SYTL3: variants seen among roughly 807,000 people sequenced by gnomAD.
SYTL3 encodes synaptotagmin-like protein 3.
A neutral mutation model predicts 82.1 loss-of-function variants in SYTL3; 88 were observed. That is an observed-to-expected ratio of 1.07 (90% CI 0.90 to 1.28). The LOEUF is 1.28. Among genes scored for constraint, SYTL3 ranks in the 50% most tolerant of loss-of-function variants. The probability of loss-of-function intolerance (pLI) is 0.00; values close to 1 mark genes in which losing one functional copy is unlikely to be tolerated. For missense variants in SYTL3, 831 were observed against 757.6 expected, an observed-to-expected ratio of 1.10 and a Z score of -1.14; for synonymous variants, 311 against 289.4, an observed-to-expected ratio of 1.07 and a Z score of -0.76.
chr6:158,742,667 C>G (rs1787089974), intron 11 of SYTL3, among the ~76,000 whole-genome samples: 1 of 151,910 alleles, frequency 6.6e-6, no homozygotes. Context: ...CCTCCGCCTC[C>G]TGGATTCAAG....
intron 14 of SYTL3, among the ~76,000 whole-genome samples, chr6:158,758,335 G>C (rs1480519162): frequency 6.6e-6 from 1 of 152,080 alleles, no homozygotes; most frequent in East Asian, 1.9e-4. Flanking sequence ...CTGCTCTGGA[G>C]GCTGAGGCAG....
intron 2 of SYTL3, among the ~76,000 whole-genome samples, chr6:158,660,282 C>T (rs66489451): frequency 6.6e-6 from 1 of 151,870 alleles, no homozygotes; most frequent in African/African-American, 2.4e-5. Context: ...ACAACAACAA[C>T]AAAAAACAAA....
At chr6:158,703,418 G>A (rs116884706) in intron 6 of SYTL3, among the ~76,000 whole-genome samples, 3,849 of 152,224 alleles carry the variant, frequency 0.025, 77 homozygotes, top group Non-Finnish European at 0.04. Flanking sequence ...CCTGCCTCTC[G>A]AGGGATGCCT....
intron 5 of SYTL3, among the ~76,000 whole-genome samples, chr6:158,665,815 T>C (rs749590201): frequency 7.2e-5 from 11 of 152,274 alleles, no homozygotes; most frequent in South Asian, 2.1e-4. Context: ...TTTTTTTCAT[T>C]TACAGAAGTT....
At chr6:158,696,877 A>G (rs1324958684) in intron 6 of SYTL3, among the ~76,000 whole-genome samples, 1 of 152,142 alleles carries the variant, frequency 6.6e-6, no homozygotes, top group African/African-American at 2.4e-5. Flanking sequence ...CCATGCACAT[A>G]TGGTCAAATG....
At position 158,757,205 on chromosome 6, in the gene SYTL3, C is replaced by T. The variant is rs1789239606; in HGVS notation, c.1138-6C>T. 5 of 1,607,672 alleles carry T rather than the reference C, an allele frequency of 3.1e-6. No individual in the cohort carries two copies. The highest frequency in any genetic ancestry group is 3.4e-6 in the Non-Finnish European group (4 of 1,179,592). Reference sequence around the variant, plus strand: ...CCAGCTGACCATCTCTTCCTTGCCTCTGCAGTATCAGGTGGCCCCTGCCCA... The same window carrying T: ...CCAGCTGACCATCTCTTCCTTGCCTTTGCAGTATCAGGTGGCCCCTGCCCA... On this transcript the variant is annotated splice_region_variant and splice_polypyrimidine_tract_variant and intron_variant, in intron 13 of 17. Transcript: ENST00000611299.
chr6:158,733,089 C>T (rs190517034), intron 11 of SYTL3, among the ~76,000 whole-genome samples: 130 of 152,178 alleles, frequency 8.5e-4, no homozygotes, highest in Admixed American at 2.6e-3. Flanking sequence ...TTCCTTCAAG[C>T]CTCCTTGCTT....
chr6:158,708,630 G>A (rs13210897), intron 8 of SYTL3, among the ~76,000 whole-genome samples: 26,748 of 152,106 alleles, frequency 0.18, 3,000 homozygotes, highest in Non-Finnish European at 0.25. Context: ...GCCTGCACCC[G>A]AGGTCTCTTT....
chr6:158,753,885 TACA>T (rs533551428), intron 13 of SYTL3, among the ~76,000 whole-genome samples: 8 of 151,914 alleles, frequency 5.3e-5, no homozygotes, highest in African/African-American at 1.9e-4. Flanking sequence ...ACTTTCCAGT[TACA>T]ATTAAAATAA....
intron 8 of SYTL3, among the ~76,000 whole-genome samples, chr6:158,711,955 C>T (rs1000044152): frequency 1.3e-5 from 2 of 152,176 alleles, no homozygotes; most frequent in African/African-American, 4.8e-5. Flanking sequence ...TTGGGCTGAC[C>T]TCCCATCTCA....
At chr6:158,741,771 G>T (rs574399219) in intron 11 of SYTL3, among the ~76,000 whole-genome samples, 40 of 152,192 alleles carry the variant, frequency 2.6e-4, no homozygotes, top group African/African-American at 9.1e-4. Flanking sequence ...TGATTTTTTT[G>T]ACTTTCACTC....
intron 7 of SYTL3, 106 bp downstream of exon 7, chr6:158,707,387 G>A: frequency 1.2e-6 from 1 of 844,534 alleles, no homozygotes; most frequent in Non-Finnish European, 1.8e-6. Context: ...TCACTGCTTT[G>A]GAATGTGACT....
rs181547262 is a variant in SYTL3 at position 158,730,471 on chromosome 6, T to C, written c.855+4834T>C. ...TGTTTCTAAATAAACATTTTACTTA[T>C]AACAAAATGGTGGCCCGTACGGGGA... On this transcript the variant is annotated intron_variant, in intron 11 of 17. Transcript: ENST00000611299. Among the ~76,000 whole-genome samples the C allele has an allele frequency of 5.3e-3, 806 of 152,318 alleles. 6 individuals are homozygous for C. Among genetic ancestry groups the C allele is most frequent in the Non-Finnish European group, 6.8e-3 (460 of 68,026 alleles).
At chr6:158,741,040 A>T (rs1395187529) in intron 11 of SYTL3, among the ~76,000 whole-genome samples, 1 of 152,068 alleles carries the variant, frequency 6.6e-6, no homozygotes, top group Non-Finnish European at 1.5e-5. Context: ...ATGAGGCAAA[A>T]CTTTGTAGCC....
intron 5 of SYTL3, among the ~76,000 whole-genome samples, chr6:158,668,921 G>T (rs1217304972): frequency 6.6e-6 from 1 of 152,182 alleles, no homozygotes; most frequent in Non-Finnish European, 1.5e-5. Context: ...AGGCACACTG[G>T]AAAGGACTTA....
chr6:158,659,712 A>C (rs190198727), intron 2 of SYTL3, among the ~76,000 whole-genome samples: 3 of 152,306 alleles, frequency 2.0e-5, no homozygotes, highest in Admixed American at 6.5e-5. Flanking sequence ...TCAGTGTATT[A>C]AAGCTATAGA....
At chr6:158,727,499 G>A (rs1365841884) in intron 11 of SYTL3, among the ~76,000 whole-genome samples, 2 of 151,896 alleles carry the variant, frequency 1.3e-5, no homozygotes, top group African/African-American at 4.8e-5. Flanking sequence ...TTTTAAATGG[G>A]TCAAACAGGT....
intron 16 of SYTL3, 51 bp from the exon 17 acceptor site, chr6:158,763,248 CAGGAG>C: frequency 6.5e-7 from 1 of 1,542,582 alleles, no homozygotes; most frequent in Non-Finnish European, 9.0e-7. Flanking sequence ...GCACAGGCCT[CAGGAG>C]AGAAGGCCGT....
chr6:158,667,686 G>A (rs896701227), intron 5 of SYTL3, among the ~76,000 whole-genome samples: 2 of 152,182 alleles, frequency 1.3e-5, no homozygotes, highest in Non-Finnish European at 2.9e-5. Context: ...GTGGATCTGT[G>A]ACAGGAACAA....
Sources: gnomAD v4.1 joint callset for allele counts (sites outside exome capture counted in the v4.1 genomes callset) on GRCh38, gnomAD v4.1.1 for gene constraint, MANE v1.5 for transcripts, NCBI Gene and HGNC (gene_info 2026-07-23, HGNC 2026-07-21) for gene names.